The following LARGE1 variants were observed in gnomAD, a reference collection of about 807,000 sequenced individuals.
LARGE1 encodes LARGE xylosyl- and glucuronyltransferase 1.
In LARGE1, 43 loss-of-function variants were observed where a neutral mutation model predicts 87.6. The ratio of observed to expected loss-of-function variants is 0.49; its 90% CI spans 0.38 to 0.63. The LOEUF is 0.63. Ranked by LOEUF, LARGE1 falls within the 30% of genes least tolerant of loss-of-function variation. The pLI is 0.00. For synonymous variants in LARGE1, 434 were observed against 394.6 expected (o/e 1.10, Z -1.18); for missense variants, 802 against 1,000.2 (o/e 0.80, Z 2.67).
chr22:33,120,709 G>T, the LARGE1 span, among the ~76,000 whole-genome samples: 13 of 152,000 alleles, frequency 8.6e-5, no homozygotes, highest in African/African-American at 2.7e-4. Context: ...TAGAGACAGG[G>T]TTTCACCGTG....
At chr22:33,106,762 C>T in the LARGE1 span, among the ~76,000 whole-genome samples, 1 of 152,206 alleles carries the variant, frequency 6.6e-6, no homozygotes, top group South Asian at 2.1e-4. Flanking sequence ...TCCCAAAGTG[C>T]TGGGATTACA....
intron 1 of LARGE1, among the ~76,000 whole-genome samples, chr22:33,804,486 G>A (rs2086252110): frequency 6.6e-6 from 1 of 152,262 alleles, no homozygotes; most frequent in South Asian, 2.1e-4. Flanking sequence ...TGCTTGAGAC[G>A]CACATATCAA....
intron 2 of LARGE1, among the ~76,000 whole-genome samples, chr22:33,712,422 A>C (rs1423168114): frequency 1.3e-5 from 2 of 152,040 alleles, no homozygotes; most frequent in Non-Finnish European, 2.9e-5. Flanking sequence ...CCAGCACAAG[A>C]GGGGCATGTT....
intron 1 of LARGE1, among the ~76,000 whole-genome samples, chr22:33,892,734 C>T (rs1369184936): frequency 6.6e-6 from 1 of 151,656 alleles, no homozygotes; most frequent in African/African-American, 2.4e-5. Flanking sequence ...GTGGCACCCT[C>T]GTTAAATATT....
At chr22:33,902,957 G>C (rs7287395) in intron 1 of LARGE1, among the ~76,000 whole-genome samples, 47,135 of 151,918 alleles carry the variant, frequency 0.31, 7,879 homozygotes, top group African/African-American at 0.43. Context: ...CATGGCGAAA[G>C]CTTGTCTCTA....
intron 11 of LARGE1, among the ~76,000 whole-genome samples, chr22:33,178,799 T>C (rs1923012817): frequency 6.6e-6 from 1 of 152,234 alleles, no homozygotes. Flanking sequence ...CACTCAACTA[T>C]AAACTGTTGG....
At chr22:33,143,503 T>C in the LARGE1 span, among the ~76,000 whole-genome samples, 17 of 152,192 alleles carry the variant, frequency 1.1e-4, no homozygotes, top group Non-Finnish European at 1.9e-4. Flanking sequence ...GCTCTTTCCA[T>C]GAGCGTTGCA....
Position 33,423,258 on chromosome 22 carries a change from T to A in LARGE1, c.892+8903A>T, listed in dbSNP as rs150120605. ...CAGGCACAGAAGCATCTGACCACTT[T>A]ATTAGGTCATTTACTATAGCCAAAC... On this transcript the variant is annotated intron_variant, in intron 7 of 14. Transcript: ENST00000397394. Among the ~76,000 whole-genome samples, 767 of 152,268 alleles carry A rather than the reference T, an allele frequency of 5.0e-3. 14 individuals are homozygous for A. The highest frequency in any genetic ancestry group is 0.034 in the Admixed American group (521 of 15,290).
intron 12 of LARGE1, among the ~76,000 whole-genome samples, chr22:33,284,204 T>C (rs1931071278): frequency 6.6e-6 from 1 of 152,166 alleles, no homozygotes; most frequent in South Asian, 2.1e-4. Context: ...TTCCCTGGGC[T>C]GGTCAATCAC....
intron 4 of LARGE1, among the ~76,000 whole-genome samples, chr22:33,613,368 T>C (rs1428966781): frequency 6.6e-6 from 1 of 152,206 alleles, no homozygotes; most frequent in African/African-American, 2.4e-5. Flanking sequence ...AGCTTCTGTG[T>C]AAGCCGAAAT....
At chr22:33,662,027 G>C (rs555530676) in intron 2 of LARGE1, among the ~76,000 whole-genome samples, 6 of 127,960 alleles carry the variant, frequency 4.7e-5, no homozygotes, top group Non-Finnish European at 9.4e-5. Flanking sequence ...AAGAAGAATT[G>C]TCTTGGGCCA....
chr22:33,381,400 A>G (rs1291196862), intron 9 of LARGE1, among the ~76,000 whole-genome samples: 1 of 152,086 alleles, frequency 6.6e-6, no homozygotes, highest in Non-Finnish European at 1.5e-5. Context: ...TTTTTCTGTC[A>G]TTGTCCGCCC....
intron 11 of LARGE1, among the ~76,000 whole-genome samples, chr22:33,310,952 T>C (rs1316415288): frequency 6.7e-6 from 1 of 149,156 alleles, no homozygotes; most frequent in Non-Finnish European, 1.5e-5. Context: ...TATATGTGAG[T>C]GGGGCCCGGA....
exon 12 of LARGE1, chr22:33,166,225 G>A (rs1922258214): frequency 6.5e-6 from 1 of 152,690 alleles, no homozygotes; most frequent in Admixed American, 6.5e-5. Context: ...GGAACTCCAG[G>A]AGACATTGAG....
intron 3 of LARGE1, among the ~76,000 whole-genome samples, chr22:33,646,723 T>C (rs542344815): frequency 6.6e-6 from 1 of 152,216 alleles, no homozygotes; most frequent in East Asian, 1.9e-4. Flanking sequence ...TGGTTTCCTT[T>C]TTTTGTTTTG....
chr22:33,658,060 G>A (rs2081019116), intron 2 of LARGE1, among the ~76,000 whole-genome samples: 3 of 152,002 alleles, frequency 2.0e-5, no homozygotes, highest in Non-Finnish European at 2.9e-5. Flanking sequence ...TTTCCGCACC[G>A]AACCGGAATG....
chr22:33,446,391 C>T (rs565293299), intron 6 of LARGE1, among the ~76,000 whole-genome samples: 19 of 152,218 alleles, frequency 1.2e-4, no homozygotes, highest in Non-Finnish European at 1.5e-4. Flanking sequence ...ATGGAAACCT[C>T]TGACTTTGCA....
chr22:33,373,217 C>T (rs1205864722), intron 9 of LARGE1, among the ~76,000 whole-genome samples: 3 of 152,142 alleles, frequency 2.0e-5, no homozygotes, highest in African/African-American at 7.2e-5. Context: ...ATTAAAAATA[C>T]ACTAAAACAA....
chr22:33,861,840 G>A (rs943871089), intron 1 of LARGE1, among the ~76,000 whole-genome samples: 3 of 147,772 alleles, frequency 2.0e-5, no homozygotes, highest in African/African-American at 7.6e-5. Flanking sequence ...AAGAAAAGTG[G>A]ATTTTGGGAC....
Sources: gnomAD v4.1 joint callset for allele counts (sites outside exome capture counted in the v4.1 genomes callset) on GRCh38, gnomAD v4.1.1 for gene constraint, MANE v1.5 for transcripts, NCBI Gene and HGNC (gene_info 2026-07-23, HGNC 2026-07-21) for gene names.